Variants in CHN2 observed in about 807,000 individuals in gnomAD.
The protein encoded by CHN2 is beta-chimaerin.
Under a neutral mutation model 56.3 loss-of-function variants are expected in CHN2, and 35 were observed. The observed-to-expected ratio is 0.62, with a 90% CI of 0.47 to 0.82. The LOEUF (loss-of-function observed/expected upper bound fraction) is 0.82. CHN2 is among the 40% of genes least tolerant of loss of function. CHN2 has a pLI of 0.00. For synonymous variants in CHN2, 210 were observed against 212.8 expected, an observed-to-expected ratio of 0.99 and a Z score of 0.12; for missense variants, 491 against 580.5, an observed-to-expected ratio of 0.85 and a Z score of 1.58.
At chr7:29,443,991 T>C (rs1032640260) in intron 6 of CHN2, among the ~76,000 whole-genome samples, 4 of 152,208 alleles carry the variant, frequency 2.6e-5, no homozygotes, top group Admixed American at 2.6e-4. Context: ...TCTCTAAGTT[T>C]TGCTTTATCT....
intron 1 of CHN2, among the ~76,000 whole-genome samples, chr7:29,206,727 A>G (rs1008005159): frequency 2.0e-5 from 3 of 152,254 alleles, no homozygotes; most frequent in Admixed American, 6.5e-5. Flanking sequence ...CTGAAGAAAC[A>G]TAAGTAGTAA....
chr7:29,331,799 C>T (rs988510021), intron 1 of CHN2, among the ~76,000 whole-genome samples: 1 of 152,044 alleles, frequency 6.6e-6, no homozygotes, highest in Non-Finnish European at 1.5e-5. Context: ...TGGTGGCTCA[C>T]GCCTGTAATC....
intron 2 of CHN2, among the ~76,000 whole-genome samples, chr7:29,178,480 CT>C: frequency 6.6e-6 from 1 of 152,268 alleles, no homozygotes; most frequent in South Asian, 2.1e-4. Context: ...TTTAAATCTG[CT>C]GTTCCCTCCT....
At chr7:29,346,535 T>C (rs1347781721) in intron 1 of CHN2, among the ~76,000 whole-genome samples, 2 of 152,204 alleles carry the variant, frequency 1.3e-5, no homozygotes, top group Non-Finnish European at 2.9e-5. Flanking sequence ...AGATCTGGCT[T>C]TTCTGGGAGA....
intron 12 of CHN2, among the ~76,000 whole-genome samples, chr7:29,511,019 G>A (rs1194110863): frequency 6.6e-6 from 1 of 152,116 alleles, no homozygotes; most frequent in Non-Finnish European, 1.5e-5. Flanking sequence ...GAGGGATCAG[G>A]GCACATCTGT....
intron 1 of CHN2, chr7:29,213,255 A>T: frequency 3.1e-6 from 3 of 963,852 alleles, no homozygotes; most frequent in Non-Finnish European, 5.0e-6. Context: ...CACTCTGGGT[A>T]GTGGCTGAAT....
At chr7:29,251,890 T>C (rs1187008187) in intron 1 of CHN2, among the ~76,000 whole-genome samples, 4 of 152,188 alleles carry the variant, frequency 2.6e-5, no homozygotes, top group Non-Finnish European at 5.9e-5. Context: ...GATTCAAACA[T>C]GTAAAATAAG....
At chr7:29,232,943 C>T (rs1274550416) in intron 1 of CHN2, among the ~76,000 whole-genome samples, 2 of 152,178 alleles carry the variant, frequency 1.3e-5, no homozygotes, top group African/African-American at 4.8e-5. Context: ...TTTTTAACAT[C>T]CTTGTTATGA....
chr7:29,383,930 A>ATC (rs763505528), intron 3 of CHN2, among the ~76,000 whole-genome samples: 30 of 152,234 alleles, frequency 2.0e-4, no homozygotes, highest in Admixed American at 7.9e-4. Context: ...ATGAGTAGAT[A>ATC]GCCCAGTGGA....
intron 3 of CHN2, among the ~76,000 whole-genome samples, chr7:29,384,018 TG>T (rs1287640778): frequency 6.6e-6 from 1 of 151,928 alleles, no homozygotes; most frequent in African/African-American, 2.4e-5. Flanking sequence ...AGATTGCAAG[TG>T]GGGTTGGGAA....
rs200833692 is a variant in CHN2 at position 29,213,006 on chromosome 7, G to C, written c.49+18016G>C. ...CCCAGTCCTGGAACAATCAGGCCTG[G>C]AACAGTCCCTTCTATAACTGTGGAG... On this transcript the variant is annotated intron_variant, in intron 1 of 12. Transcript: ENST00000222792. 1.1e-4 allele frequency: 171 copies of C among 1,607,894 alleles called. No homozygotes were observed. The African/African-American group carries it at 1.3e-3, about 12-fold the overall frequency.
In CHN2 at chr7:29,221,611, C is replaced by T. The variant is rs144789565; in HGVS notation, c.49+26621C>T. The stretch of plus-strand genomic sequence containing the variant: ...TTCATTAGCTGTTCTTCCTGATGCT[C>T]TCCCTTCCTCGACCCCCAACAGACC... On this transcript the variant is annotated intron_variant, in intron 1 of 12. Coordinates refer to ENST00000222792, the MANE Select transcript of CHN2 (RefSeq NM_004067.4). 1.2e-3 allele frequency among the ~76,000 whole-genome samples: 183 copies of T among 152,278 alleles called. 3 individuals are homozygous for T. The highest frequency in any genetic ancestry group is 6.8e-3 in the Middle Eastern group (2 of 294).
chr7:29,352,858 G>C (rs553026904), intron 1 of CHN2, among the ~76,000 whole-genome samples: 1 of 152,298 alleles, frequency 6.6e-6, no homozygotes, highest in East Asian at 1.9e-4. Flanking sequence ...TATTTTATTT[G>C]AATGCTCTTT....
chr7:29,253,800 G>A (rs966657158), intron 1 of CHN2, among the ~76,000 whole-genome samples: 20 of 152,204 alleles, frequency 1.3e-4, no homozygotes, highest in Non-Finnish European at 2.8e-4. Flanking sequence ...TCCTTCAACT[G>A]TAAAATAAGG....
At chr7:29,293,957 C>T (rs536952609) in intron 1 of CHN2, among the ~76,000 whole-genome samples, 3 of 151,040 alleles carry the variant, frequency 2.0e-5, no homozygotes, top group East Asian at 2.0e-4. Context: ...AGCTCCGCCT[C>T]CCGGGTTCAC....
chr7:29,391,994 A>G (rs187380934), intron 3 of CHN2, among the ~76,000 whole-genome samples: 42 of 152,338 alleles, frequency 2.8e-4, no homozygotes, highest in African/African-American at 9.9e-4. Context: ...CTTTTAGGGA[A>G]ATAAGAAGAT....
At chr7:29,385,937 A>G (rs1287355365) in intron 3 of CHN2, among the ~76,000 whole-genome samples, 2 of 152,232 alleles carry the variant, frequency 1.3e-5, no homozygotes, top group African/African-American at 4.8e-5. Context: ...AAAGTATCCA[A>G]CTTGTGTGTA....
chr7:29,419,736 A>G (rs1479848627), intron 6 of CHN2, among the ~76,000 whole-genome samples: 1 of 152,224 alleles, frequency 6.6e-6, no homozygotes, highest in African/African-American at 2.4e-5. Context: ...ATATGAAAAG[A>G]TGCTCTACAT....
Position 29,194,934 on chromosome 7 carries a change from G to A in CHN2, c.-8G>A, listed in dbSNP as rs780164392. 70 of 1,565,768 alleles carry A rather than the reference G, an allele frequency of 4.5e-5. No individual in the cohort carries two copies. The South Asian group carries it at 7.7e-4, about 17-fold the overall frequency. ...CTGAGCGAGCAGCGACGCGAGGGGC[G>A]CGCGGAGATGGCAGCGTCCAGCAAC... On this transcript the variant is annotated 5_prime_UTR_variant, in exon 1 of 13. Transcript: ENST00000222792.
Sources: allele counts gnomAD v4.1 joint callset (sites outside exome capture counted in the v4.1 genomes callset), GRCh38; gene constraint gnomAD v4.1.1; transcripts MANE v1.5; gene names NCBI Gene and HGNC (gene_info 2026-07-23, HGNC 2026-07-21).